The following ANXA4 variants were observed in gnomAD, a reference collection of about 807,000 sequenced individuals.
ANXA4 encodes annexin A4.
Under a neutral mutation model 49.8 loss-of-function variants are expected in ANXA4, and 39 were observed. The ratio of observed to expected loss-of-function variants is 0.78; its 90% confidence interval spans 0.61 to 1.02. The LOEUF (loss-of-function observed/expected upper bound fraction) is 1.02, where lower values mean the gene tolerates loss of function less well. ANXA4 is among the 50% of genes least tolerant of loss of function. ANXA4 has a pLI of 0.00. For synonymous variants in ANXA4, 134 were observed against 152.5 expected, an observed-to-expected ratio of 0.88 and a Z score of 0.89; for missense variants, 360 against 410.1, an observed-to-expected ratio of 0.88 and a Z score of 1.05.
At chr2:69,693,889 T>G (rs1287520805) in intron 2 of ANXA4, among the ~76,000 whole-genome samples, 4 of 152,016 alleles carry the variant, frequency 2.6e-5, no homozygotes, top group African/African-American at 9.7e-5. Context: ...CCCTTCTGAA[T>G]GCAGACCTCT....
intron 2 of ANXA4, among the ~76,000 whole-genome samples, chr2:69,680,220 C>A (rs1489238266): frequency 1.3e-5 from 2 of 152,138 alleles, no homozygotes; most frequent in Admixed American, 6.5e-5. Flanking sequence ...AAGTCTTTCA[C>A]TTCCTTGGTT....
At chr2:69,734,463 A>G (rs1670189064) in intron 3 of ANXA4, among the ~76,000 whole-genome samples, 1 of 152,244 alleles carries the variant, frequency 6.6e-6, no homozygotes, top group South Asian at 2.1e-4. Flanking sequence ...AAGTATGCAC[A>G]CAACATTTAA....
chr2:69,788,954 C>A (rs1188357398), intron 3 of ANXA4, among the ~76,000 whole-genome samples: 3 of 151,616 alleles, frequency 2.0e-5, no homozygotes, highest in African/African-American at 7.3e-5. Context: ...TTGGGACAAA[C>A]TGGATGGGGA....
intron 1 of ANXA4, among the ~76,000 whole-genome samples, chr2:69,774,311 T>G (rs1671869903): frequency 1.4e-5 from 2 of 146,794 alleles, no homozygotes; most frequent in Non-Finnish European, 3.0e-5. Flanking sequence ...TTATATGAGG[T>G]GTTTATGTAA....
At chr2:69,662,992 C>CTTTT (rs746269236) in intron 2 of ANXA4, among the ~76,000 whole-genome samples, 7 of 123,198 alleles carry the variant, frequency 5.7e-5, no homozygotes, top group Non-Finnish European at 8.4e-5. Context: ...TTTTCTTTTT[C>CTTTT]TTTTTTTTTT....
chr2:69,723,170 G>A (rs561852793), intron 3 of ANXA4, among the ~76,000 whole-genome samples: 9 of 135,374 alleles, frequency 6.6e-5, no homozygotes, highest in Admixed American at 2.5e-4. Context: ...CAGCCTCGGC[G>A]ACAGAGCAAG....
At chr2:69,820,285 A>T (rs1243002169) in intron 11 of ANXA4, among the ~76,000 whole-genome samples, 1 of 151,766 alleles carries the variant, frequency 6.6e-6, no homozygotes, top group Non-Finnish European at 1.5e-5. Context: ...ATCTGCAAAG[A>T]ATATATAAAC....
intron 1 of ANXA4, 43 bp from the exon 2 acceptor site, chr2:69,781,477 C>G: frequency 1.3e-6 from 2 of 1,489,892 alleles, no homozygotes; most frequent in Non-Finnish European, 1.9e-6. Flanking sequence ...ATTTTAATGC[C>G]ATTTCCTTCA....
In ANXA4 at chr2:69,818,582, T is replaced by G. The variant is rs766472468; in HGVS notation, c.629-17T>G. On this transcript the variant is annotated splice_polypyrimidine_tract_variant and intron_variant, in intron 9 of 12. Transcript: ENST00000394295. ...TGTTTTTTCTTCCCAATAATACTAT[T>G]TTGTTATTGTCTGCAGTGTTTGATG... 3.9e-6 allele frequency: 6 copies of G among 1,524,116 alleles called. No individual in the cohort carries two copies. In the African/African-American group the frequency reaches 7.0e-5, roughly 18 times the overall value. 94.4% of individuals were successfully genotyped at this position (1,524,116 alleles called of 1,614,324 possible). A position where few individuals can be genotyped will look rare whatever the true frequency, so the allele number is the denominator to read the frequency against.
chr2:69,675,913 A>G (rs967223762), intron 2 of ANXA4, among the ~76,000 whole-genome samples: 1 of 151,810 alleles, frequency 6.6e-6, no homozygotes, highest in African/African-American at 2.4e-5. Context: ...AGGTTGAGGC[A>G]GGAGAATGGT....
At chr2:69,705,730 G>A (rs1678474023) in intron 2 of ANXA4, among the ~76,000 whole-genome samples, 2 of 152,134 alleles carry the variant, frequency 1.3e-5, no homozygotes, top group African/African-American at 2.4e-5. Flanking sequence ...TCAGGAGTTC[G>A]AGACCAGCCT....
At position 69,804,157 on chromosome 2, in the gene ANXA4, A is replaced by G. The variant is rs1673337059; in HGVS notation, c.98-376A>G. On this transcript the variant is annotated intron_variant, in intron 3 of 12. Transcript: ENST00000394295. ...TCTCTCAAAAAAAAAAAAAAAAAAA[A>G]AATATTCTAGAGGAGAGAAAAAATT... Among the ~76,000 whole-genome samples, 8 of 151,086 alleles carry G rather than the reference A, an allele frequency of 5.3e-5. No homozygotes were observed. In the South Asian group the frequency reaches 1.7e-3, roughly 31 times the overall value.
chr2:69,806,766 T>C (rs1033222994), intron 5 of ANXA4, among the ~76,000 whole-genome samples: 1 of 152,182 alleles, frequency 6.6e-6, no homozygotes, highest in Non-Finnish European at 1.5e-5. Flanking sequence ...CCATATGTTT[T>C]CACTTACAAG....
Position 69,646,089 on chromosome 2 carries a change from T to C in ANXA4, n.481+1184T>C, listed in dbSNP as rs555346088. On this transcript the variant is annotated intron_variant and non_coding_transcript_variant, in intron 1 of 3. Transcript: ENST00000418066. ...GTTAGAAACCCACGCACAAGCAGCATAGGACCAGGAGACAGGAAACCTCTT... is the reference window on the plus strand; with the variant it reads ...GTTAGAAACCCACGCACAAGCAGCACAGGACCAGGAGACAGGAAACCTCTT... Among the ~76,000 whole-genome samples, 4 of 152,274 alleles carry C rather than the reference T, an allele frequency of 2.6e-5. 1 individual carries two copies. The South Asian group carries it at 8.3e-4, about 32-fold the overall frequency.
chr2:69,704,631 C>G (rs1678432977), intron 2 of ANXA4, among the ~76,000 whole-genome samples: 1 of 152,176 alleles, frequency 6.6e-6, no homozygotes, highest in Non-Finnish European at 1.5e-5. Context: ...ATTCACAGAG[C>G]AGTGGTCTCA....
In ANXA4 at chr2:69,805,128, TCTG is replaced by T. The variant is rs1398894076; in HGVS notation, c.192+502_192+504del. Among the ~76,000 whole-genome samples, 978 of 149,362 alleles carry T rather than the reference TCTG, an allele frequency of 6.5e-3. 15 individuals carry two copies. The highest frequency in any genetic ancestry group is 0.023 in the African/African-American group (935 of 40,682). On this transcript the variant is annotated intron_variant, in intron 4 of 12. Coordinates refer to ENST00000394295, the MANE Select transcript of ANXA4 (RefSeq NM_001153.5). ...TGATCTTAAACAAGTTCTTAAACTC[TCTG>T]ACCCATTCCAGGAGGAAATGTGAAT...
intron 1 of ANXA4, among the ~76,000 whole-genome samples, chr2:69,760,642 G>T (rs1671245199): frequency 6.6e-6 from 1 of 152,010 alleles, no homozygotes; most frequent in Non-Finnish European, 1.5e-5. Flanking sequence ...CTAGCATTTT[G>T]ACATAGGTGC....
chr2:69,658,369 C>T (rs1676584230), intron 2 of ANXA4, among the ~76,000 whole-genome samples: 1 of 146,004 alleles, frequency 6.8e-6, no homozygotes, highest in Non-Finnish European at 1.5e-5. Flanking sequence ...CACTGCACTC[C>T]AGCCTCGGTG....
intron 8 of ANXA4, 38 bp from the exon 9 acceptor site, chr2:69,816,063 T>C: frequency 6.4e-7 from 1 of 1,552,386 alleles, no homozygotes; most frequent in Non-Finnish European, 8.9e-7. Flanking sequence ...TGGCACATCG[T>C]TTTTGGAATT....
Sources: allele counts gnomAD v4.1 joint callset (sites outside exome capture counted in the v4.1 genomes callset), GRCh38; gene constraint gnomAD v4.1.1; transcripts MANE v1.5; gene names NCBI Gene and HGNC (gene_info 2026-07-23, HGNC 2026-07-21).